CTNNA2: variants seen among roughly 807,000 people sequenced by gnomAD.
CTNNA2 encodes the protein catenin alpha 2.
CTNNA2 carries 42 observed loss-of-function variants against 101.0 expected under a neutral mutation model. The observed-to-expected ratio is 0.42, with a 90% confidence interval of 0.32 to 0.54. CTNNA2 has a LOEUF of 0.54. CTNNA2 is among the 20% of genes least tolerant of loss of function. The pLI, the probability that CTNNA2 is intolerant of heterozygous loss-of-function variation, is 0.14. For missense variants in CTNNA2, 871 were observed against 1,223.1 expected (o/e 0.71, Z 4.29); for synonymous variants, 450 against 456.4 (o/e 0.99, Z 0.18).
At chr2:79,594,899 C>T (rs552158432) in intron 1 of CTNNA2, among the ~76,000 whole-genome samples, 1 of 152,114 alleles carries the variant, frequency 6.6e-6, no homozygotes, top group South Asian at 2.1e-4. Context: ...AAAGAATATT[C>T]CTCTGATATT....
At chr2:79,924,782 G>A (rs902173308) in intron 7 of CTNNA2, among the ~76,000 whole-genome samples, 17 of 152,042 alleles carry the variant, frequency 1.1e-4, no homozygotes, top group African/African-American at 3.9e-4. Flanking sequence ...TTTGATCTAG[G>A]CACTCTGTTG....
intron 1 of CTNNA2, among the ~76,000 whole-genome samples, chr2:79,611,955 C>T (rs899101446): frequency 9.9e-5 from 15 of 152,106 alleles, no homozygotes; most frequent in Non-Finnish European, 1.6e-4. Context: ...ACCTTTCTCC[C>T]ATCTAGCAGA....
intron 2 of CTNNA2, among the ~76,000 whole-genome samples, chr2:79,715,969 A>G (rs1026260616): frequency 3.5e-4 from 54 of 152,334 alleles, no homozygotes; most frequent in African/African-American, 1.3e-3. Context: ...AATTTGGACC[A>G]AAAATAAATT....
At chr2:80,395,726 A>G (rs191386355) in intron 8 of CTNNA2, among the ~76,000 whole-genome samples, 3 of 152,186 alleles carry the variant, frequency 2.0e-5, no homozygotes, top group African/African-American at 7.2e-5. Context: ...TACTGCTGAG[A>G]TACTTTCTAT....
At chr2:79,783,402 G>A (rs1674601977) in intron 3 of CTNNA2, among the ~76,000 whole-genome samples, 1 of 152,144 alleles carries the variant, frequency 6.6e-6, no homozygotes, top group African/African-American at 2.4e-5. Context: ...CAGGGCCTTC[G>A]TCAACTGCAC....
intron 7 of CTNNA2, among the ~76,000 whole-genome samples, chr2:80,023,987 C>T (rs1294751668): frequency 3.3e-5 from 5 of 150,716 alleles, no homozygotes; most frequent in Admixed American, 1.3e-4. Context: ...CTCAGGAGGC[C>T]GAGGCGGGAG....
At chr2:80,335,619 A>G (rs1671706765) in intron 7 of CTNNA2, among the ~76,000 whole-genome samples, 1 of 152,206 alleles carries the variant, frequency 6.6e-6, no homozygotes, top group Admixed American at 6.5e-5. Context: ...TATTTCTGGC[A>G]TCAGTACTTG....
chr2:79,703,420 T>G (rs1685140570), intron 2 of CTNNA2, among the ~76,000 whole-genome samples: 1 of 152,238 alleles, frequency 6.6e-6, no homozygotes, highest in African/African-American at 2.4e-5. Context: ...GAACATTTTC[T>G]TATCGCTTAC....
intron 2 of CTNNA2, among the ~76,000 whole-genome samples, chr2:79,704,687 GTAT>G (rs1218780442): frequency 0.053 from 8,086 of 151,762 alleles, 745 homozygotes; most frequent in African/African-American, 0.19. Flanking sequence ...TAATTTTTTT[GTAT>G]TTTTAGTAGA....
intron 4 of CTNNA2, among the ~76,000 whole-genome samples, chr2:79,504,585 C>T (rs192870298): frequency 1.9e-4 from 29 of 152,260 alleles, no homozygotes; most frequent in Non-Finnish European, 3.4e-4. Flanking sequence ...CCACCGCACC[C>T]GACCTACAAT....
chr2:80,541,286 G>T lies in CTNNA2; in HGVS notation c.1291-3696G>T, dbSNP rs572423779. 3.3e-5 allele frequency among the ~76,000 whole-genome samples: 5 copies of T among 152,152 alleles called. No individual in the cohort carries two copies. In the South Asian group the frequency reaches 1.0e-3, roughly 32 times the overall value. On this transcript the variant is annotated intron_variant, in intron 9 of 18. Transcript: ENST00000402739. ...GAAAATACAAGGTGAATGAAATTCT[G>T]GGTTTTAAGTGGAATTAAATAGCAG... is the stretch of plus-strand genomic sequence containing the variant.
intron 9 of CTNNA2, among the ~76,000 whole-genome samples, chr2:80,460,816 G>A (rs1469757356): frequency 1.3e-5 from 2 of 152,066 alleles, no homozygotes; most frequent in Non-Finnish European, 2.9e-5. Flanking sequence ...TCAAACTTTA[G>A]CATGCATCAG....
chr2:79,543,357 T>G (rs1673536506), intron 1 of CTNNA2, among the ~76,000 whole-genome samples: 1 of 152,198 alleles, frequency 6.6e-6, no homozygotes, highest in East Asian at 1.9e-4. Context: ...GAAATCAAGT[T>G]ATTATTTCAG....
At chr2:79,852,578 T>C (rs1169199839) in intron 3 of CTNNA2, among the ~76,000 whole-genome samples, 1 of 152,234 alleles carries the variant, frequency 6.6e-6, no homozygotes, top group Non-Finnish European at 1.5e-5. Flanking sequence ...GTTTTTTTGT[T>C]TGTTTTGTTT....
intron 7 of CTNNA2, among the ~76,000 whole-genome samples, chr2:79,920,983 C>T (rs1686613547): frequency 6.6e-6 from 1 of 152,186 alleles, no homozygotes; most frequent in Non-Finnish European, 1.5e-5. Context: ...CAGCATTCTG[C>T]AGGCTGGACT....
At chr2:80,468,854 A>G (rs1685069603) in intron 9 of CTNNA2, among the ~76,000 whole-genome samples, 2 of 152,234 alleles carry the variant, frequency 1.3e-5, no homozygotes, top group African/African-American at 2.4e-5. Context: ...AGCTTTAATC[A>G]TGATGGAGGA....
intron 7 of CTNNA2, among the ~76,000 whole-genome samples, chr2:80,181,500 T>G (rs1369498680): frequency 6.6e-6 from 1 of 152,170 alleles, no homozygotes; most frequent in Non-Finnish European, 1.5e-5. Context: ...CCTGTGCACC[T>G]TTTTTCAGGT....
chr2:80,628,112 G>A (rs1306283483), intron 18 of CTNNA2, among the ~76,000 whole-genome samples: 1 of 152,116 alleles, frequency 6.6e-6, no homozygotes, highest in Non-Finnish European at 1.5e-5. Context: ...GGAAACAAGA[G>A]AGGACACAAA....
chr2:80,371,835 G>A lies in CTNNA2; in HGVS notation c.1057-21376G>A, dbSNP rs568839967. Among the ~76,000 whole-genome samples, 4 of 152,230 alleles carry A rather than the reference G, an allele frequency of 2.6e-5. No homozygotes were observed. The South Asian group carries it at 8.3e-4, about 32-fold the overall frequency. ...GACTTATCTTGTAGATGATAGGTTGGCATTGGAGAATTTCAGGCAGGTGAG... is the reference window on the plus strand; with the variant it reads ...GACTTATCTTGTAGATGATAGGTTGACATTGGAGAATTTCAGGCAGGTGAG... On this transcript the variant is annotated intron_variant, in intron 7 of 18. Coordinates refer to ENST00000402739, the MANE Select transcript of CTNNA2 (RefSeq NM_001282597.3).
Sources: gnomAD v4.1 joint callset for allele counts (sites outside exome capture counted in the v4.1 genomes callset) on GRCh38, gnomAD v4.1.1 for gene constraint, MANE v1.5 for transcripts, NCBI Gene and HGNC (gene_info 2026-07-23, HGNC 2026-07-21) for gene names.